Variants in NUP155 observed in about 807,000 individuals in gnomAD.
NUP155 encodes the protein nucleoporin 155.
In NUP155, 71 loss-of-function variants were observed where a neutral mutation model predicts 180.4. The observed-to-expected ratio is 0.39, with a 90% confidence interval of 0.33 to 0.48. NUP155 has a LOEUF of 0.48. Among genes scored for constraint, NUP155 ranks in the 20% least tolerant of loss-of-function variants. The pLI, the probability that NUP155 is intolerant of heterozygous loss-of-function variation, is 0.91. For synonymous variants in NUP155, 582 were observed against 559.5 expected (o/e 1.04, Z -0.57); for missense variants, 1,553 against 1,648.9 (o/e 0.94, Z 1.01).
chr5:37,300,884 C>A (rs894154344), intron 30 of NUP155: 1 of 161,126 alleles, frequency 6.2e-6, no homozygotes, highest in African/African-American at 2.4e-5. Context: ...ACTGCAGTGC[C>A]ATGATCTCGG....
At chr5:37,339,790 G>A (rs2366166) in intron 11 of NUP155, among the ~76,000 whole-genome samples, 9,528 of 152,164 alleles carry the variant, frequency 0.063, 966 homozygotes, top group African/African-American at 0.21. Flanking sequence ...TTGAGATGGA[G>A]TCTTGCTCTG....
chr5:37,295,877 G>A (rs1183827821), intron 32 of NUP155, among the ~76,000 whole-genome samples: 1 of 148,452 alleles, frequency 6.7e-6, no homozygotes, highest in Non-Finnish European at 1.5e-5. Context: ...GAGGGAGGTT[G>A]GGGGGTCAGC....
At chr5:37,346,632 T>C (rs1281812602) in intron 9 of NUP155, among the ~76,000 whole-genome samples, 7 of 150,952 alleles carry the variant, frequency 4.6e-5, no homozygotes, top group Admixed American at 2.6e-4. Context: ...AGTCGCGCCA[T>C]TGCACTCCAG....
At position 37,369,177 on chromosome 5, in the gene NUP155, AT is replaced by A. The variant is rs543072907; in HGVS notation, c.157+1643del. ...CAAGGCGGGAGGACCACTTGAGCTCATGAGTTAGAGGCTGCAATGAGCTGTG... is the reference window on the plus strand; with the variant it reads ...CAAGGCGGGAGGACCACTTGAGCTCAGAGTTAGAGGCTGCAATGAGCTGTG... On this transcript the variant is annotated intron_variant, in intron 1 of 34. Transcript: ENST00000231498. Among the ~76,000 whole-genome samples the A allele has an allele frequency of 2.0e-5, 3 of 152,170 alleles. No individual in the cohort carries two copies. In the South Asian group the frequency reaches 6.2e-4, roughly 32 times the overall value.
At chr5:37,367,490 C>T (rs1469457704) in intron 1 of NUP155, among the ~76,000 whole-genome samples, 2 of 151,234 alleles carry the variant, frequency 1.3e-5, no homozygotes. Flanking sequence ...GCTGAGATTA[C>T]AGGAGTAAAC....
Position 37,307,277 on chromosome 5 carries a change from G to A in NUP155, c.2903+20C>T, listed in dbSNP as rs751332697. 3.7e-6 allele frequency: 6 copies of A among 1,611,310 alleles called. No individual in the cohort carries two copies. The highest frequency in any genetic ancestry group is 5.1e-6 in the Non-Finnish European group (6 of 1,177,884). On this transcript the variant is annotated intron_variant, in intron 25 of 34. Coordinates refer to ENST00000231498, the MANE Select transcript of NUP155 (RefSeq NM_153485.3). ...TCTGTATCCATAAAGATGACAATCTGCTAACGTAATGGAATGCACCTTTCT... is the reference window on the plus strand; with the variant it reads ...TCTGTATCCATAAAGATGACAATCTACTAACGTAATGGAATGCACCTTTCT...
At position 37,309,134 on chromosome 5, in the gene NUP155, C is replaced by T. The variant is rs1488982904; in HGVS notation, c.2762G>A (p.Arg921Lys). The stretch of plus-strand genomic sequence containing the variant: ...AGAAACATTTTATTTCTCACCTTGT[C>T]TATACTGAGCACAAACATTGGAAAG... ...VDLSNVCAQY[R>K]QVRFYEGVVE... Residue 921 changes from arginine (R) to lysine (K), a missense_variant, in exon 24 of 35, where the codon AGA (arginine) becomes AAA (lysine). Arg to Lys is a conservative substitution (Grantham distance 26). Coordinates refer to ENST00000231498, the MANE Select transcript of NUP155 (RefSeq NM_153485.3). 1.9e-6 allele frequency: 3 copies of T among 1,613,216 alleles called. No individual in the cohort carries two copies. The highest frequency in any genetic ancestry group is 1.1e-5 in the South Asian group (1 of 91,058).
At chr5:37,299,711 T>C (rs1742763398) in intron 30 of NUP155, 143 bp from the exon 31 acceptor site, 2 of 873,504 alleles carry the variant, frequency 2.3e-6, no homozygotes, top group South Asian at 1.5e-5. Context: ...TGATGATGTA[T>C]GTAGCTGGTT....
At chr5:37,300,852 G>A (rs1478220159) in intron 30 of NUP155, among the ~76,000 whole-genome samples, 1 of 144,366 alleles carries the variant, frequency 6.9e-6, no homozygotes, top group Non-Finnish European at 1.5e-5. Flanking sequence ...ATGGAGTCTT[G>A]CTCTGTCGCC....
chr5:37,309,023 G>C, intron 24 of NUP155, 106 bp downstream of exon 24: 1 of 1,180,762 alleles, frequency 8.5e-7, no homozygotes, highest in Admixed American at 1.8e-5. Context: ...GCTGAAAGAA[G>C]ATTTGCATCT....
chr5:37,294,400 G>A lies in NUP155; in HGVS notation c.3859C>T (p.Gln1287Ter), dbSNP rs1377552460. The A allele has an allele frequency of 6.2e-7, 1 of 1,609,986 alleles. No homozygotes were observed. Among genetic ancestry groups the A allele is most frequent in the Non-Finnish European group, 8.5e-7 (1 of 1,176,376 alleles). ...TLNWDVGFVI[Q>*]TMNEIGVPLP... The stretch of plus-strand genomic sequence containing the variant: ...GGTACTCCAATTTCATTCATTGTCT[G>A]TATTACGAAGCCCACATCCCAGTTC... Residue 1287 changes from glutamine to a stop codon, truncating the protein, a stop_gained, in exon 33 of 35, where the codon CAG becomes TAG. Transcript: ENST00000231498. LOFTEE classifies it high-confidence loss of function.
intron 20 of NUP155, among the ~76,000 whole-genome samples, chr5:37,322,850 G>A (rs1479963318): frequency 3.9e-5 from 6 of 151,998 alleles, no homozygotes; most frequent in Non-Finnish European, 7.4e-5. Flanking sequence ...GCAGGCGCCT[G>A]TAACCCCAGC....
intron 1 of NUP155, among the ~76,000 whole-genome samples, chr5:37,365,348 C>T (rs1223173312): frequency 5.3e-5 from 8 of 152,068 alleles, no homozygotes; most frequent in East Asian, 1.9e-4. Context: ...AGGATAGATA[C>T]CCCATTTTCC....
At chr5:37,320,354 G>A (rs1171810040) in intron 20 of NUP155, among the ~76,000 whole-genome samples, 1 of 152,162 alleles carries the variant, frequency 6.6e-6, no homozygotes, top group East Asian at 1.9e-4. Context: ...GCTCATGCCT[G>A]TAATCCCAGC....
intron 1 of NUP155, among the ~76,000 whole-genome samples, chr5:37,368,870 T>C (rs937206661): frequency 1.3e-5 from 2 of 151,994 alleles, no homozygotes; most frequent in East Asian, 1.9e-4. Context: ...AACATAACTT[T>C]AATAGGCCGA....
At chr5:37,365,713 GAAAAAAAAAA>G (rs869240751) in intron 1 of NUP155, among the ~76,000 whole-genome samples, 1 of 22,682 alleles carries the variant, frequency 4.4e-5, no homozygotes, top group South Asian at 2.2e-3. Flanking sequence ...GTCTCGGGGA[GAAAAAAAAAA>G]AAAAAAAAAA....
chr5:37,296,560 C>T (rs1025674834), intron 32 of NUP155, among the ~76,000 whole-genome samples: 25 of 132,520 alleles, frequency 1.9e-4, no homozygotes, highest in African/African-American at 5.5e-4. Flanking sequence ...GGAAGGCAGC[C>T]GCAGGGTCCT....
At chr5:37,321,336 A>C (rs1744229965) in intron 20 of NUP155, among the ~76,000 whole-genome samples, 1 of 151,812 alleles carries the variant, frequency 6.6e-6, no homozygotes, top group Non-Finnish European at 1.5e-5. Context: ...ACAAAGCAAG[A>C]CTCTGTCTCC....
intron 22 of NUP155, 149 bp from the exon 23 acceptor site, chr5:37,310,892 T>C: frequency 1.6e-6 from 1 of 623,604 alleles, no homozygotes; most frequent in Non-Finnish European, 2.6e-6. Flanking sequence ...AACAAATTTT[T>C]GCGAACTTAC....
Sources: allele counts gnomAD v4.1 joint callset (sites outside exome capture counted in the v4.1 genomes callset), GRCh38; gene constraint gnomAD v4.1.1; transcripts MANE v1.5; gene names NCBI Gene and HGNC (gene_info 2026-07-23, HGNC 2026-07-21).